NOTCH2: variants seen among roughly 807,000 people sequenced by gnomAD.
NOTCH2 encodes neurogenic locus notch homolog protein 2.
NOTCH2 carries 29 observed loss-of-function variants against 235.8 expected under a neutral mutation model. The ratio of observed to expected loss-of-function variants is 0.12; its 90% CI spans 0.09 to 0.17. The LOEUF is 0.17. NOTCH2 is among the 10% of genes least tolerant of loss of function. The pLI, the probability that NOTCH2 is intolerant of heterozygous loss-of-function variation, is 1.00. For synonymous variants in NOTCH2, 1,086 were observed against 1,141.5 expected, an observed-to-expected ratio of 0.95 and a Z score of 0.98; for missense variants, 2,285 against 3,150.2, an observed-to-expected ratio of 0.73 and a Z score of 6.57.
intron 17 of NOTCH2, among the ~76,000 whole-genome samples, chr1:119,945,283 A>G (rs1650213180): frequency 6.6e-6 from 1 of 152,184 alleles, no homozygotes; most frequent in African/African-American, 2.4e-5. Flanking sequence ...AAAATACTCA[A>G]TTATTTCAAA....
chr1:119,949,388 T>C (rs1013492199), intron 15 of NOTCH2, among the ~76,000 whole-genome samples: 40 of 146,030 alleles, frequency 2.7e-4, no homozygotes, highest in East Asian at 9.8e-4. Flanking sequence ...TATTTCTTTT[T>C]TTTTTTTTTT....
At chr1:119,982,130 T>TGC (rs1651836616) in intron 5 of NOTCH2, among the ~76,000 whole-genome samples, 1 of 151,966 alleles carries the variant, frequency 6.6e-6, no homozygotes, top group Non-Finnish European at 1.5e-5. Flanking sequence ...CCAACTCACA[T>TGC]CAAACATTTT....
At position 119,916,014 on chromosome 1, in the gene NOTCH2, G is replaced by A. The variant is rs772386249; in HGVS notation, c.6708C>T (p.Gly2236=). 6.2e-7 allele frequency: 1 copy of A among 1,613,634 alleles called. No homozygotes were observed. Among genetic ancestry groups the A allele is most frequent in the Non-Finnish European group, 8.5e-7 (1 of 1,180,042 alleles). The part of the protein sequence containing the change: ...SHHHIVSPGS[G]SAGSLSRLHP... ...GGAGCCTACTCAAGCTTCCAGCACT[G>A]CCACTGCCTGGAGACACAATGTGGT... is the stretch of plus-strand genomic sequence containing the variant. The change falls in exon 34 of 34, where the codon GGC becomes GGT. Residue 2236 remains glycine, a synonymous_variant. Coordinates refer to ENST00000256646, the MANE Select transcript of NOTCH2 (RefSeq NM_024408.4).
At chr1:119,949,421 C>CTGACTCTCAG (rs1650382204) in intron 15 of NOTCH2, among the ~76,000 whole-genome samples, 2 of 138,958 alleles carry the variant, frequency 1.4e-5, no homozygotes, top group Non-Finnish European at 3.0e-5. Context: ...GAGTCTCACT[C>CTGACTCTCAG]TGACTCTCAG....
At chr1:119,935,173 C>G (rs1649803196) in intron 22 of NOTCH2, 1 of 1,244,180 alleles carries the variant, frequency 8.0e-7, no homozygotes, top group African/African-American at 1.5e-5. Context: ...AACAAGAAAT[C>G]TTACTGACCA....
chr1:119,946,290 A>G (rs1218095654), intron 17 of NOTCH2, among the ~76,000 whole-genome samples: 2 of 152,136 alleles, frequency 1.3e-5, no homozygotes, highest in African/African-American at 4.8e-5. Flanking sequence ...AAAGAAAAAC[A>G]CTTCCTGATA....
chr1:119,947,404 G>A (rs1354024549), intron 17 of NOTCH2, among the ~76,000 whole-genome samples: 2 of 152,092 alleles, frequency 1.3e-5, no homozygotes, highest in Non-Finnish European at 2.9e-5. Flanking sequence ...CAAAGCACAC[G>A]AAATGATGCT....
intron 9 of NOTCH2, among the ~76,000 whole-genome samples, chr1:119,965,845 G>A (rs587719037): frequency 2.0e-5 from 3 of 152,308 alleles, no homozygotes; most frequent in African/African-American, 4.8e-5. Context: ...ACAAGTAACT[G>A]TAGCTTCAGA....
chr1:120,067,211 C>G (rs1655541493), intron 1 of NOTCH2, among the ~76,000 whole-genome samples: 1 of 148,816 alleles, frequency 6.7e-6, no homozygotes, highest in South Asian at 2.1e-4. Context: ...ACTGTAGACT[C>G]TAAGAAGATT....
In NOTCH2 at chr1:119,915,235, G is replaced by C. The variant is rs1649021349; in HGVS notation, c.*71C>G. 1 of 1,478,514 alleles carries C rather than the reference G, an allele frequency of 6.8e-7. No individual in the cohort carries two copies. Among genetic ancestry groups the C allele is most frequent in the South Asian group, 1.1e-5 (1 of 88,056 alleles). 91.6% of individuals were successfully genotyped at this position (1,478,514 alleles called of 1,614,324 possible). On this transcript the variant is annotated 3_prime_UTR_variant, in exon 34 of 34. Coordinates refer to ENST00000256646, the MANE Select transcript of NOTCH2 (RefSeq NM_024408.4). ...CAGAGATTTCTTCATTTCTCTCCCG[G>C]ATGACCTTCATTTGTTCCTCAGCAG...
intron 14 of NOTCH2, among the ~76,000 whole-genome samples, chr1:119,953,235 C>G (rs966004671): frequency 6.6e-6 from 1 of 151,658 alleles, no homozygotes; most frequent in African/African-American, 2.4e-5. Flanking sequence ...GGCTTGAACC[C>G]GGGAGGTAGA....
chr1:120,006,727 T>A (rs587656635), intron 2 of NOTCH2, among the ~76,000 whole-genome samples: 63 of 151,664 alleles, frequency 4.2e-4, no homozygotes, highest in African/African-American at 1.5e-3. Flanking sequence ...AGATTACACA[T>A]TTAAACCAAA....
chr1:119,926,445 C>A, intron 24 of NOTCH2, 54 bp downstream of exon 24: 2 of 1,301,850 alleles, frequency 1.5e-6, no homozygotes, highest in Non-Finnish European at 2.2e-6. Flanking sequence ...GTTCTGTTCA[C>A]AGATTGTATG....
intron 31 of NOTCH2, 24 bp from the exon 32 acceptor site, chr1:119,918,577 AAG>A: frequency 1.9e-6 from 3 of 1,613,566 alleles, no homozygotes; most frequent in Non-Finnish European, 2.5e-6. Context: ...AAGTACAGAA[AAG>A]AGAGTCACCT....
chr1:119,912,268 C>A lies in NOTCH2; in HGVS notation c.*3038G>T, dbSNP rs375889050. On this transcript the variant is annotated 3_prime_UTR_variant, in exon 34 of 34. Coordinates refer to ENST00000256646, the MANE Select transcript of NOTCH2 (RefSeq NM_024408.4). ...AAGAGAAATGTACACAAGGAAGTAACCATAGTACCACTTATTAGTGGGGGC... is the reference window on the plus strand; with the variant it reads ...AAGAGAAATGTACACAAGGAAGTAAACATAGTACCACTTATTAGTGGGGGC... 9 of 233,196 alleles carry A rather than the reference C, an allele frequency of 3.9e-5. No homozygotes were observed. The highest frequency in any genetic ancestry group is 3.6e-4 in the South Asian group (2 of 5,512). 14.4% of individuals were successfully genotyped at this position (233,196 alleles called of 1,614,324 possible).
chr1:119,932,080 T>A (rs1649683238), intron 22 of NOTCH2, among the ~76,000 whole-genome samples: 1 of 150,608 alleles, frequency 6.6e-6, no homozygotes, highest in Non-Finnish European at 1.5e-5. Flanking sequence ...GAAAATATAT[T>A]CTCCACCTTA....
At chr1:119,971,840 C>A (rs1651372254) in intron 5 of NOTCH2, among the ~76,000 whole-genome samples, 1 of 152,188 alleles carries the variant, frequency 6.6e-6, no homozygotes, top group Non-Finnish European at 1.5e-5. Context: ...AGTGGCATAG[C>A]CATTCTGAGA....
At chr1:119,972,854 A>T (rs1651418919) in intron 5 of NOTCH2, among the ~76,000 whole-genome samples, 1 of 152,194 alleles carries the variant, frequency 6.6e-6, no homozygotes, top group Middle Eastern at 3.2e-3. Context: ...TGAACATATC[A>T]AGCCATCTCT....
At chr1:119,948,625 T>C (rs587743395) in intron 16 of NOTCH2, 59 bp from the exon 17 acceptor site, 1 of 1,597,998 alleles carries the variant, frequency 6.3e-7, no homozygotes, top group East Asian at 2.2e-5. Flanking sequence ...CACAAAAATC[T>C]ACGCAGGACC....
Sources: allele counts gnomAD v4.1 joint callset (sites outside exome capture counted in the v4.1 genomes callset), GRCh38; gene constraint gnomAD v4.1.1; transcripts MANE v1.5; gene names NCBI Gene and HGNC (gene_info 2026-07-23, HGNC 2026-07-21).